Variants in FUT6 observed in about 807,000 individuals in gnomAD.
FUT6 encodes 4-galactosyl-N-acetylglucosaminide 3-alpha-L-fucosyltransferase FUT6.
For synonymous variants in FUT6, 187 were observed against 209.9 expected, an observed-to-expected ratio of 0.89 and a Z score of 0.94; for missense variants, 454 against 494.6, an observed-to-expected ratio of 0.92 and a Z score of 0.78.
chr19:5,831,882 G>A lies in FUT6; in HGVS notation c.686C>T (p.Pro229Leu). 1 of 1,613,970 alleles carries A rather than the reference G, an allele frequency of 6.2e-7. No individual in the cohort carries two copies. Among genetic ancestry groups the A allele is most frequent in the African/African-American group, 1.3e-5 (1 of 75,026 alleles). ...DVYGRSHKPLPQGTMMETLSR... is the reference protein window; with the variant it reads ...DVYGRSHKPLLQGTMMETLSR... ...CAGCGTCTCCATCATGGTTCCCTGGGGCAGGGGCTTGTGGGAGCGTCCGTA... is the reference window on the plus strand; with the variant it reads ...CAGCGTCTCCATCATGGTTCCCTGGAGCAGGGGCTTGTGGGAGCGTCCGTA... The change falls in exon 3 of 3, where the codon CCC (proline) becomes CTC (leucine). Residue 229 changes from proline (P) to leucine (L), a missense_variant. Coordinates refer to ENST00000318336, the MANE Select transcript of FUT6 (RefSeq NM_000150.4). The surrounding 1 kb of genome is among the most constrained non-coding windows in gnomAD (Gnocchi z 7.0).
Position 5,835,068 on chromosome 19 carries a change from GC to G in FUT6, c.-132del, listed in dbSNP as rs1457384675. ...AGGATGCACTGGATCCCGTCTGGAT[GC>G]CCGTGACACTGCAAAAAGCCAGAGA... On this transcript the variant is annotated 5_prime_UTR_variant, in exon 2 of 3. Coordinates refer to ENST00000318336, the MANE Select transcript of FUT6 (RefSeq NM_000150.4). The G allele has an allele frequency of 6.6e-6, 1 of 152,186 alleles. No homozygotes were observed. The highest frequency in any genetic ancestry group is 2.1e-4 in the South Asian group (1 of 4,804). 9.4% of individuals were successfully genotyped at this position (152,186 alleles called of 1,614,324 possible). A position where few individuals can be genotyped will look rare whatever the true frequency, so the allele number is the denominator to read the frequency against.
intron 1 of FUT6, among the ~76,000 whole-genome samples, chr19:5,837,152 C>T (rs2057191104): frequency 6.6e-6 from 1 of 151,994 alleles, no homozygotes. Flanking sequence ...ATTTTCCTGC[C>T]TCAGCCTCCC....
rs1274802950 is a variant in FUT6, at chr19:5,831,557, G to C, written c.1011C>G (p.Cys337Trp). ...PRSFSWALAF[C>W]KACWKLQEES... Reference sequence around the variant, plus strand: ...CCTCCTGCAGTTTCCAGCAGGCCTTGCAGAAAGCGAGTGCCCAGCTGAAGG... The same window carrying C: ...CCTCCTGCAGTTTCCAGCAGGCCTTCCAGAAAGCGAGTGCCCAGCTGAAGG... Residue 337 changes from cysteine (C) to tryptophan (W), a missense_variant, in exon 3 of 3, where the codon TGC becomes TGG. Physicochemically the swap from Cys to Trp is radical, Grantham distance 215 (BLOSUM62 -2). Transcript: ENST00000318336. This position sits in a 1 kb window ranked among gnomAD's most constrained non-coding sequence, Gnocchi z 7.0. 1.9e-6 allele frequency: 3 copies of C among 1,614,052 alleles called. No homozygotes were observed. The highest frequency in any genetic ancestry group is 1.7e-6 in the Non-Finnish European group (2 of 1,180,024).
At position 5,838,732 on chromosome 19, in the gene FUT6, C is replaced by T. The variant is rs1156462038; in HGVS notation, c.-196G>A. ...AGCTGAGAGGCCGCGGACGGAGTAA[C>T]AGCTGGATTCTGAGGACGTGGAAGA... On this transcript the variant is annotated 5_prime_UTR_variant, in exon 1 of 3. Coordinates refer to ENST00000318336, the MANE Select transcript of FUT6 (RefSeq NM_000150.4). 2.6e-5 allele frequency: 4 copies of T among 152,392 alleles called. No individual in the cohort carries two copies. The highest frequency in any genetic ancestry group is 5.9e-5 in the Non-Finnish European group (4 of 68,226). 9.4% of individuals were successfully genotyped at this position (152,392 alleles called of 1,614,324 possible).
rs1319724037 is a variant in FUT6 at position 5,831,150 on chromosome 19, C to T, written c.*338G>A. 3.2e-6 allele frequency: 2 copies of T among 623,116 alleles called. No individual in the cohort carries two copies. The highest frequency in any genetic ancestry group is 1.8e-5 in the African/African-American group (1 of 54,464). 38.6% of individuals were successfully genotyped at this position (623,116 alleles called of 1,614,324 possible). A position where few individuals can be genotyped will look rare whatever the true frequency, so the allele number is the denominator to read the frequency against. On this transcript the variant is annotated 3_prime_UTR_variant, in exon 3 of 3. Transcript: ENST00000318336. This position sits in a 1 kb window ranked among gnomAD's most constrained non-coding sequence, Gnocchi z 7.0. The stretch of plus-strand genomic sequence containing the variant: ...GGGAGCAGGTCCCAGCAGGTAAAGT[C>T]CCCAACAGCCGAGGTCCCCAGTAGG...
In FUT6 at chr19:5,834,977, G is replaced by C. The variant is rs979616692; in HGVS notation, c.-40C>G. ...GCTGCCGCTCCCTGGACACTGCTGC[G>C]TCTGACACCTTCTGGGAGATGCTAG... On this transcript the variant is annotated 5_prime_UTR_variant, in exon 2 of 3. Transcript: ENST00000318336. The C allele has an allele frequency of 6.6e-6, 1 of 152,242 alleles. No homozygotes were observed. Among genetic ancestry groups the C allele is most frequent in the African/African-American group, 2.4e-5 (1 of 41,434 alleles). The allele number at this position is 152,242 out of a possible 1,614,324, so 9.4% of individuals were successfully genotyped here.
At chr19:5,833,793 CAAA>C (rs72442142) in intron 2 of FUT6, among the ~76,000 whole-genome samples, 1 of 112,996 alleles carries the variant, frequency 8.8e-6, no homozygotes, top group Admixed American at 9.1e-5. Flanking sequence ...ATTCCATCTC[CAAA>C]AAAAAAAAAA....
chr19:5,835,928 G>A (rs1042290645), intron 1 of FUT6, among the ~76,000 whole-genome samples: 6 of 151,934 alleles, frequency 3.9e-5, no homozygotes, highest in Non-Finnish European at 7.4e-5. Flanking sequence ...TTGCTCTGTC[G>A]CCCAGACTGG....
chr19:5,831,701 G>A lies in FUT6; in HGVS notation c.867C>T (p.Phe289=), dbSNP rs537651597. ...GGCTCTGGAAGTCGTCCACGTGGAT[G>A]AAGGCGTCGGGTGGCAGGAACCTCT... ...NYERFLPPDA[F]IHVDDFQSPK... Residue 289 remains phenylalanine (F), a synonymous_variant, in exon 3 of 3, where the codon TTC becomes TTT. Transcript: ENST00000318336. The surrounding 1 kb of genome is among the most constrained non-coding windows in gnomAD (Gnocchi z 7.0). 6.2e-7 allele frequency: 1 copy of A among 1,611,612 alleles called. No homozygotes were observed. The highest frequency in any genetic ancestry group is 1.1e-5 in the South Asian group (1 of 91,006).
rs771517304 is a variant in FUT6 at position 5,832,385 on chromosome 19, G to A, written c.183C>T (p.Ile61=). ...GCCACGTCCACAGCAGGATCAGGGG[G>A]ATGGAGTGGGCGGGGGTCCCTGTGC... ...PDSTGTPAHS[I]PLILLWTWPF... Residue 61 remains isoleucine (I), a synonymous_variant, in exon 3 of 3, where the codon ATC becomes ATT. Coordinates refer to ENST00000318336, the MANE Select transcript of FUT6 (RefSeq NM_000150.4). The surrounding 1 kb of genome is among the most constrained non-coding windows in gnomAD (Gnocchi z 4.3). 3 of 1,614,118 alleles carry A rather than the reference G, an allele frequency of 1.9e-6. No homozygotes were observed. The highest frequency in any genetic ancestry group is 2.2e-5 in the South Asian group (2 of 91,088).
chr19:5,831,061 C>T lies in FUT6; in HGVS notation c.*427G>A. The T allele has an allele frequency of 3.7e-6, 2 of 544,462 alleles. No homozygotes were observed. Among genetic ancestry groups the T allele is most frequent in the South Asian group, 4.1e-5 (2 of 48,630 alleles). 33.7% of individuals were successfully genotyped at this position (544,462 alleles called of 1,614,324 possible). ...GTGCCAGTTCCCAGGGCCCAGTGCC[C>T]TCCAGGGTGAGGTCCCCAGCAGGTG... On this transcript the variant is annotated 3_prime_UTR_variant, in exon 3 of 3. Transcript: ENST00000318336. This position sits in a 1 kb window ranked among gnomAD's most constrained non-coding sequence, Gnocchi z 7.0.
At position 5,832,225 on chromosome 19, in the gene FUT6, T is replaced by C; in HGVS notation, c.343A>G (p.Asn115Asp). 1 of 1,613,984 alleles carries C rather than the reference T, an allele frequency of 6.2e-7. No homozygotes were observed. The highest frequency in any genetic ancestry group is 2.2e-5 in the East Asian group (1 of 44,876). Residue 115 changes from asparagine to aspartate, a missense_variant, in exon 3 of 3, where the codon AAC becomes GAC. Transcript: ENST00000318336. The surrounding 1 kb of genome is among the most constrained non-coding windows in gnomAD (Gnocchi z 4.3). ...GAGCGTGGGAGCTGGGCACTGGGGT[T>C]GTACATGACCTCTCGGTGGTGCACG... ...VIVHHREVMY[N>D]PSAQLPRSPR... is the part of the protein sequence containing the mutation.
At position 5,832,560 on chromosome 19, in the gene FUT6, G is replaced by T. The variant is rs759445494; in HGVS notation, c.8C>A (p.Pro3His). The T allele has an allele frequency of 3.2e-5, 51 of 1,613,256 alleles. 1 individual carries two copies. In the South Asian group the frequency reaches 4.6e-4, roughly 15 times the overall value. Reference sequence around the variant, plus strand: ...CCACTGTGGCTTGGCCGGGCCCAGGGGATCCATGGGTCAGAGTATCTGGGA... The same window carrying T: ...CCACTGTGGCTTGGCCGGGCCCAGGTGATCCATGGGTCAGAGTATCTGGGA... MD[P>H]LGPAKPQWSW... Residue 3 changes from proline (P) to histidine (H), a missense_variant, in exon 3 of 3, where the codon CCC becomes CAC. Coordinates refer to ENST00000318336, the MANE Select transcript of FUT6 (RefSeq NM_000150.4). The surrounding 1 kb of genome is among the most constrained non-coding windows in gnomAD (Gnocchi z 4.3).
Position 5,832,204 on chromosome 19 carries a change from G to A in FUT6, c.364C>T (p.Arg122Cys), listed in dbSNP as rs138645125. 253 of 1,613,982 alleles carry A rather than the reference G, an allele frequency of 1.6e-4. 2 individuals carry two copies. The highest frequency in any genetic ancestry group is 1.4e-3 in the South Asian group (128 of 91,076). ...VMYNPSAQLPRSPRRQGQRWI... is the reference protein window; with the variant it reads ...VMYNPSAQLPCSPRRQGQRWI... ...CGCTGCCCCTGCCGCCTCGGGGAGC[G>A]TGGGAGCTGGGCACTGGGGTTGTAC... is the stretch of plus-strand genomic sequence containing the variant. Residue 122 changes from arginine (R) to cysteine (C), a missense_variant, in exon 3 of 3, where the codon CGC (arginine) becomes TGC (cysteine). By Grantham distance (180) the Arg-to-Cys change is radical. Transcript: ENST00000318336. This position sits in a 1 kb window ranked among gnomAD's most constrained non-coding sequence, Gnocchi z 4.3.
intron 1 of FUT6, among the ~76,000 whole-genome samples, chr19:5,836,676 C>A (rs866865405): frequency 1.6e-4 from 24 of 152,000 alleles, no homozygotes; most frequent in African/African-American, 5.6e-4. Flanking sequence ...ATCTCTACAA[C>A]GAATTTTATT....
At chr19:5,836,014 G>A (rs894878478) in intron 1 of FUT6, among the ~76,000 whole-genome samples, 7 of 151,956 alleles carry the variant, frequency 4.6e-5, no homozygotes, top group South Asian at 4.2e-4. Flanking sequence ...TCAGCCTCTC[G>A]AGTAGCTGGG....
In FUT6 at chr19:5,832,462, C is replaced by G. The variant is rs1377937498; in HGVS notation, c.106G>C (p.Val36Leu). ...MAVCFFSYLR[V>L]SQDDPTVYPN... ...TACACAGTGGGATCGTCTTGAGACA[C>G]ACGCAGATAGGAGAAGAAACACACA... The change falls in exon 3 of 3, where the codon GTG becomes CTG. Residue 36 changes from valine (V) to leucine (L), a missense_variant. Val to Leu is a conservative substitution (Grantham distance 32, BLOSUM62 1). Coordinates refer to ENST00000318336, the MANE Select transcript of FUT6 (RefSeq NM_000150.4). The surrounding 1 kb of genome is among the most constrained non-coding windows in gnomAD (Gnocchi z 4.3). The G allele has an allele frequency of 6.2e-7, 1 of 1,613,868 alleles. No homozygotes were observed. The highest frequency in any genetic ancestry group is 8.5e-7 in the Non-Finnish European group (1 of 1,179,980).
At chr19:5,835,398 C>T (rs2057165957) in intron 1 of FUT6, among the ~76,000 whole-genome samples, 1 of 152,202 alleles carries the variant, frequency 6.6e-6, no homozygotes, top group Non-Finnish European at 1.5e-5. Context: ...ATCCAGACCC[C>T]AAAGTCTCCC....
chr19:5,837,408 G>A (rs1013030535), intron 1 of FUT6, among the ~76,000 whole-genome samples: 2 of 151,262 alleles, frequency 1.3e-5, no homozygotes, highest in Non-Finnish European at 2.9e-5. Flanking sequence ...GTCTTCTGAG[G>A]GTAAAATGCA....
Sources: gnomAD v4.1 joint callset for allele counts (sites outside exome capture counted in the v4.1 genomes callset) on GRCh38, gnomAD v4.1.1 for gene constraint, Gnocchi (gnomAD v3.1) non-coding constraint, MANE v1.5 for transcripts, NCBI Gene and HGNC (gene_info 2026-07-23, HGNC 2026-07-21) for gene names.